Variants in B3GALT1 observed in about 807,000 individuals in gnomAD.
B3GALT1 encodes the protein beta-1,3-galactosyltransferase 1, also known as UDP-Gal:betaGlcNAc beta 1,3-galactosyltransferase, polypeptide 1.
Under a neutral mutation model 23.2 loss-of-function variants are expected in B3GALT1, and 10 were observed. That is an observed-to-expected ratio of 0.43 (90% CI 0.27 to 0.73). The LOEUF (loss-of-function observed/expected upper bound fraction) is 0.73. B3GALT1 is among the 30% of genes least tolerant of loss of function. The pLI is 0.21. For missense variants in B3GALT1, 299 were observed against 405.4 expected, an observed-to-expected ratio of 0.74 and a Z score of 2.25; for synonymous variants, 156 against 141.5, an observed-to-expected ratio of 1.10 and a Z score of -0.73.
intron 1 of B3GALT1, among the ~76,000 whole-genome samples, chr2:167,389,498 C>T (rs576959949): frequency 3.9e-5 from 6 of 152,156 alleles, no homozygotes; most frequent in African/African-American, 1.4e-4. Flanking sequence ...ACCCAACTTG[C>T]TGATGCTACC....
At position 167,873,946 on chromosome 2, in the gene B3GALT1, G is replaced by C. The variant is rs533396817; in HGVS notation, c.*3926G>C. The C allele has an allele frequency of 6.6e-6, 1 of 152,262 alleles. No individual in the cohort carries two copies. The highest frequency in any genetic ancestry group is 1.9e-4 in the East Asian group (1 of 5,186). The allele number at this position is 152,262 out of a possible 1,614,324, so 9.4% of individuals were successfully genotyped here. On this transcript the variant is annotated 3_prime_UTR_variant, in exon 5 of 5. Coordinates refer to ENST00000392690, the MANE Select transcript of B3GALT1 (RefSeq NM_020981.4). ...GAAATGTAAACTGTTGACTGAAAGC[G>C]CAATGCTTATGTACAGGCCCATCTG... is the stretch of plus-strand genomic sequence containing the variant.
intron 4 of B3GALT1, among the ~76,000 whole-genome samples, chr2:167,833,736 G>A (rs887266015): frequency 2.0e-5 from 3 of 152,112 alleles, no homozygotes; most frequent in Admixed American, 6.5e-5. Context: ...TGGAGGATAC[G>A]TGCTCAAACT....
chr2:167,387,033 T>TCATATCATA (rs1559081826), intron 1 of B3GALT1, among the ~76,000 whole-genome samples: 6 of 147,590 alleles, frequency 4.1e-5, no homozygotes, highest in African/African-American at 1.6e-4. Flanking sequence ...ATCATATCAT[T>TCATATCATA]TCATGGGTAA....
At chr2:167,635,172 A>G (rs1038779402) in intron 2 of B3GALT1, among the ~76,000 whole-genome samples, 1 of 152,166 alleles carries the variant, frequency 6.6e-6, no homozygotes, top group African/African-American at 2.4e-5. Context: ...AAAAACTGTC[A>G]ATAAACTAGG....
At chr2:167,566,990 G>T (rs188677616) in intron 2 of B3GALT1, among the ~76,000 whole-genome samples, 19 of 152,288 alleles carry the variant, frequency 1.2e-4, no homozygotes, top group African/African-American at 4.3e-4. Context: ...TACTGCATCA[G>T]AATCTCTGGA....
chr2:167,665,975 T>G (rs895956184), intron 3 of B3GALT1, among the ~76,000 whole-genome samples: 2 of 152,224 alleles, frequency 1.3e-5, no homozygotes, highest in African/African-American at 4.8e-5. Flanking sequence ...AGTTCTGCTC[T>G]GATTTTAGTT....
At chr2:167,760,812 A>AAT (rs1221812673) in intron 3 of B3GALT1, among the ~76,000 whole-genome samples, 1 of 152,238 alleles carries the variant, frequency 6.6e-6, no homozygotes, top group Non-Finnish European at 1.5e-5. Flanking sequence ...TAAAATGCTT[A>AAT]ATACATATCA....
At chr2:167,301,718 T>C (rs1696448292) in intron 1 of B3GALT1, among the ~76,000 whole-genome samples, 1 of 152,120 alleles carries the variant, frequency 6.6e-6, no homozygotes, top group Non-Finnish European at 1.5e-5. Context: ...ACCTGGCTAA[T>C]TTTTTATTTT....
intron 4 of B3GALT1, among the ~76,000 whole-genome samples, chr2:167,863,206 T>C (rs1335093171): frequency 1.3e-5 from 2 of 152,144 alleles, no homozygotes; most frequent in East Asian, 3.8e-4. Context: ...GGCTTTGAGT[T>C]TTCCAGGAAG....
intron 1 of B3GALT1, among the ~76,000 whole-genome samples, chr2:167,425,789 T>G (rs1226584360): frequency 6.6e-6 from 1 of 152,224 alleles, no homozygotes; most frequent in Non-Finnish European, 1.5e-5. Flanking sequence ...ACTTATACAC[T>G]AATTTTGTAA....
chr2:167,406,245 G>A (rs114927724), intron 1 of B3GALT1, among the ~76,000 whole-genome samples: 1,607 of 152,070 alleles, frequency 0.011, 32 homozygotes, highest in African/African-American at 0.037. Flanking sequence ...TCATGACATG[G>A]GGTTATTTTT....
chr2:167,469,125 A>G (rs991157339), intron 1 of B3GALT1, among the ~76,000 whole-genome samples: 2 of 152,174 alleles, frequency 1.3e-5, no homozygotes, highest in Admixed American at 1.3e-4. Context: ...GTAGCAATCA[A>G]ATATGTAAGG....
At chr2:167,485,757 A>C (rs1699618994) in intron 1 of B3GALT1, among the ~76,000 whole-genome samples, 3 of 152,202 alleles carry the variant, frequency 2.0e-5, no homozygotes, top group African/African-American at 7.2e-5. Flanking sequence ...CCTCTGGAAA[A>C]ATTTACTCCC....
At chr2:167,825,463 CGT>C (rs771779416) in intron 4 of B3GALT1, among the ~76,000 whole-genome samples, 16 of 132,250 alleles carry the variant, frequency 1.2e-4, no homozygotes, top group South Asian at 2.4e-4. Context: ...TGTGCGTGCA[CGT>C]GTGTGTGTGT....
chr2:167,813,123 T>C (rs921794380), intron 3 of B3GALT1, among the ~76,000 whole-genome samples: 1 of 151,936 alleles, frequency 6.6e-6, no homozygotes, highest in East Asian at 1.9e-4. Context: ...TAGTAGAATA[T>C]GACAGTACAG....
At chr2:167,330,944 C>G (rs1383219629) in intron 1 of B3GALT1, among the ~76,000 whole-genome samples, 1 of 151,848 alleles carries the variant, frequency 6.6e-6, no homozygotes, top group Non-Finnish European at 1.5e-5. Flanking sequence ...ATCTGCACAT[C>G]TAGTGTGACA....
chr2:167,784,140 G>A (rs908262193), intron 3 of B3GALT1, among the ~76,000 whole-genome samples: 3 of 152,082 alleles, frequency 2.0e-5, no homozygotes, highest in African/African-American at 4.8e-5. Context: ...CTGTCCCCAG[G>A]GTACTGATTT....
intron 1 of B3GALT1, among the ~76,000 whole-genome samples, chr2:167,436,370 A>G (rs1698787624): frequency 1.3e-5 from 2 of 152,002 alleles, no homozygotes. Flanking sequence ...TTTTTCCCAG[A>G]CGTATTAATG....
intron 4 of B3GALT1, among the ~76,000 whole-genome samples, chr2:167,866,220 A>C (rs1360963003): frequency 6.6e-6 from 1 of 152,162 alleles, no homozygotes; most frequent in African/African-American, 2.4e-5. Context: ...AGTGAGATTC[A>C]CGTTACGGCT....
Sources: allele counts gnomAD v4.1 joint callset (sites outside exome capture counted in the v4.1 genomes callset), GRCh38; gene constraint gnomAD v4.1.1; transcripts MANE v1.5; gene names NCBI Gene and HGNC (gene_info 2026-07-23, HGNC 2026-07-21).